CELA3B: variants seen among roughly 807,000 people sequenced by gnomAD.
CELA3B encodes chymotrypsin-like elastase family member 3B.
Under a neutral mutation model 37.2 loss-of-function variants are expected in CELA3B, and 34 were observed. That is an observed-to-expected ratio of 0.91 (90% CI 0.70 to 1.22). The LOEUF (loss-of-function observed/expected upper bound fraction) is 1.22. Ranked by LOEUF, CELA3B falls within the 50% of genes most tolerant of loss-of-function variation. CELA3B has a pLI of 0.00. For synonymous variants in CELA3B, 127 were observed against 143.5 expected (o/e 0.89, Z 0.82); for missense variants, 340 against 363.1 (o/e 0.94, Z 0.52).
Position 21,977,096 on chromosome 1 carries a change from C to G in CELA3B, c.43+14C>G. 6.2e-7 allele frequency: 1 copy of G among 1,614,168 alleles called. No individual in the cohort carries two copies. Among genetic ancestry groups the G allele is most frequent in the East Asian group, 2.2e-5 (1 of 44,888 alleles). On this transcript the variant is annotated intron_variant, in intron 1 of 7. Transcript: ENST00000337107. ...TTGTGGCCGTTGGTAAGACCCCAAC[C>G]TGTGTGTGTGCTCCCTGGGCTGCCC...
rs1644824846 is a variant in CELA3B at position 21,984,277 on chromosome 1, C to T, written c.588C>T (p.Ser196=). The change falls in exon 6 of 8, where the codon TCC becomes TCT. Residue 196 remains serine, a synonymous_variant. Coordinates refer to ENST00000337107, the MANE Select transcript of CELA3B (RefSeq NM_007352.4). ...GCTCCAGGTGGAACTGGTGGGGTTCCTCCGTGAAGAAGACCATGGTGTGTG... is the reference window on the plus strand; with the variant it reads ...GCTCCAGGTGGAACTGGTGGGGTTCTTCCGTGAAGAAGACCATGGTGTGTG... ...EHCSRWNWWG[S]SVKKTMVCAG... is the part of the protein sequence containing the mutation. 1 of 1,614,034 alleles carries T rather than the reference C, an allele frequency of 6.2e-7. No individual in the cohort carries two copies. Among genetic ancestry groups the T allele is most frequent in the Non-Finnish European group, 8.5e-7 (1 of 1,180,034 alleles).
chr1:21,981,475 A>T (rs1385657804), intron 4 of CELA3B, among the ~76,000 whole-genome samples: 12 of 151,746 alleles, frequency 7.9e-5, no homozygotes, highest in South Asian at 4.2e-4. Flanking sequence ...CCTTCCCCCA[A>T]AGCCGAGGGT....
chr1:21,996,244 C>A (rs1644889634), intron 4 of CELA3B, among the ~76,000 whole-genome samples: 1 of 150,810 alleles, frequency 6.6e-6, no homozygotes, highest in South Asian at 2.1e-4. Context: ...AGACAGATAG[C>A]CAGTTAAGGT....
At chr1:21,996,505 C>A (rs577456732) in intron 4 of CELA3B, among the ~76,000 whole-genome samples, 6 of 151,268 alleles carry the variant, frequency 4.0e-5, no homozygotes, top group African/African-American at 1.5e-4. Flanking sequence ...GAATAATCCA[C>A]CCCTTGTTTA....
At chr1:21,982,938 A>C (rs1644813791) in intron 4 of CELA3B, among the ~76,000 whole-genome samples, 1 of 152,150 alleles carries the variant, frequency 6.6e-6, no homozygotes, top group Non-Finnish European at 1.5e-5. Flanking sequence ...GTCTGTTTTA[A>C]CAAGCCTCCA....
chr1:21,981,012 C>T, intron 3 of CELA3B, 26 bp from the exon 4 acceptor site: 1 of 1,614,136 alleles, frequency 6.2e-7, no homozygotes, highest in Non-Finnish European at 8.5e-7. Context: ...CAGTCAGGCC[C>T]AGACTGACCT....
At chr1:21,986,397 A>G (rs1644838827) in intron 6 of CELA3B, 134 bp from the exon 7 acceptor site, 7 of 1,161,974 alleles carry the variant, frequency 6.0e-6, no homozygotes. Context: ...ATAATAAATG[A>G]TTAAAAAAAA....
chr1:21,998,169 G>T (rs1377474844), exon 5 of CELA3B: 12 of 470,154 alleles, frequency 2.6e-5, no homozygotes, highest in Non-Finnish European at 4.4e-5. Flanking sequence ...GGGCAACAAG[G>T]CACCAGAGTC....
At chr1:21,982,827 G>A (rs4466621) in intron 4 of CELA3B, among the ~76,000 whole-genome samples, 137,154 of 151,682 alleles carry the variant, frequency 0.9, 62,814 homozygotes, top group Non-Finnish European at 0.98. Context: ...GCAGGTGCCC[G>A]CCACCAAGCC....
At chr1:21,997,341 G>A (rs1325063233) in intron 4 of CELA3B, among the ~76,000 whole-genome samples, 2 of 66,430 alleles carry the variant, frequency 3.0e-5, no homozygotes, top group Admixed American at 4.4e-4. Context: ...AGTCTGGCAC[G>A]ACTCATCTCA....
rs1644842459 is a variant in CELA3B at position 21,986,980 on chromosome 1, T to TG, written c.795+298dup. On this transcript the variant is annotated intron_variant, in intron 7 of 7. Coordinates refer to ENST00000337107, the MANE Select transcript of CELA3B (RefSeq NM_007352.4). ...TCTTGTCAGGGAGGATAGAGAGACA[T>TG]GCCAGACAAGAGGCTGCCTGGTGGG... 1.2e-5 allele frequency: 5 copies of TG among 410,816 alleles called. No individual in the cohort carries two copies. The Admixed American group carries it at 1.9e-4, about 15-fold the overall frequency. 25.4% of individuals were successfully genotyped at this position (410,816 alleles called of 1,614,324 possible). A position where few individuals can be genotyped will look rare whatever the true frequency, so the allele number is the denominator to read the frequency against.
chr1:21,981,064 T>C lies in CELA3B; in HGVS notation c.254T>C (p.Leu85Ser). The change falls in exon 4 of 8, where the codon TTG (leucine) becomes TCG (serine). Residue 85 changes from leucine (L) to serine (S), a missense_variant. Physicochemically the swap from Leu to Ser is moderately radical, Grantham distance 145. Coordinates refer to ENST00000337107, the MANE Select transcript of CELA3B (RefSeq NM_007352.4). ...AGCTCCCGGACCTACCAGGTGGTGT[T>C]GGGCGAGTACGACCGTGCTGTGAAG... ...ISSSRTYQVV[L>S]GEYDRAVKEG... is the part of the protein sequence containing the mutation. 2 of 1,614,086 alleles carry C rather than the reference T, an allele frequency of 1.2e-6. No individual in the cohort carries two copies. The highest frequency in any genetic ancestry group is 1.3e-5 in the African/African-American group (1 of 75,042).
At chr1:21,995,596 C>T (rs1306665273) in intron 4 of CELA3B, among the ~76,000 whole-genome samples, 2 of 151,068 alleles carry the variant, frequency 1.3e-5, no homozygotes, top group Admixed American at 6.6e-5. Flanking sequence ...GAAGTTATCC[C>T]CTTCCCTTTT....
chr1:21,981,925 C>CCTAT (rs1363319549), intron 4 of CELA3B, among the ~76,000 whole-genome samples: 1 of 151,958 alleles, frequency 6.6e-6, no homozygotes, highest in Non-Finnish European at 1.5e-5. Flanking sequence ...CGGGGTTTCA[C>CCTAT]CGTGTTAGCC....
At chr1:21,992,847 C>T (rs1001568076), downstream of CELA3B, among the ~76,000 whole-genome samples, 3 of 150,822 alleles carry the variant, frequency 2.0e-5, no homozygotes, top group African/African-American at 7.4e-5. Context: ...TGCCTGTAGT[C>T]CCAGCTACTT....
chr1:21,992,276 C>T (rs1401337972), downstream of CELA3B, among the ~76,000 whole-genome samples: 3 of 151,536 alleles, frequency 2.0e-5, no homozygotes, highest in Non-Finnish European at 4.4e-5. Context: ...GCCTATAGTC[C>T]CCGCTACTCA....
chr1:21,985,845 C>G (rs572057983), intron 6 of CELA3B, among the ~76,000 whole-genome samples: 2 of 151,732 alleles, frequency 1.3e-5, no homozygotes, highest in Non-Finnish European at 2.9e-5. Context: ...GAGCCGAGAT[C>G]GCGCCCCTGC....
chr1:21,977,155 C>A, intron 1 of CELA3B, 73 bp downstream of exon 1: 1 of 1,604,210 alleles, frequency 6.2e-7, no homozygotes, highest in African/African-American at 1.3e-5. Flanking sequence ...ACCACTTGCT[C>A]TAAGTCCCAT....
intron 4 of CELA3B, among the ~76,000 whole-genome samples, chr1:21,981,795 G>A (rs1226501664): frequency 2.0e-5 from 3 of 151,416 alleles, no homozygotes; most frequent in Non-Finnish European, 2.9e-5. Context: ...GCACGATCTC[G>A]GCTCACTGCA....
Sources: allele counts gnomAD v4.1 joint callset (sites outside exome capture counted in the v4.1 genomes callset), GRCh38; gene constraint gnomAD v4.1.1; transcripts MANE v1.5; gene names NCBI Gene and HGNC (gene_info 2026-07-23, HGNC 2026-07-21).